The following NRG1 variants were observed in gnomAD, a reference collection of about 807,000 sequenced individuals.
NRG1 encodes pro-neuregulin-1, membrane-bound isoform.
NRG1 carries 18 observed loss-of-function variants against 63.8 expected under a neutral mutation model. That is an observed-to-expected ratio of 0.28 (90% CI 0.19 to 0.42). The LOEUF (loss-of-function observed/expected upper bound fraction) is 0.42. NRG1 is among the 10% of genes least tolerant of loss of function. The probability of loss-of-function intolerance (pLI) is 1.00; values close to 1 mark genes in which losing one functional copy is unlikely to be tolerated. For missense variants in NRG1, 762 were observed against 814.7 expected (o/e 0.94, Z 0.79); for synonymous variants, 302 against 301.3 (o/e 1.00, Z -0.02).
chr8:31,833,461 A>T (rs1274351306), intron 1 of NRG1, among the ~76,000 whole-genome samples: 5 of 152,206 alleles, frequency 3.3e-5, no homozygotes, highest in African/African-American at 1.2e-4. Flanking sequence ...CATCCCTGCA[A>T]AATTAGCTTT....
intron 1 of NRG1, among the ~76,000 whole-genome samples, chr8:31,990,583 A>G (rs1810893899): frequency 6.6e-6 from 1 of 152,126 alleles, no homozygotes; most frequent in Admixed American, 6.5e-5. Flanking sequence ...AGAAGAAAAT[A>G]AGATTCTTTG....
chr8:32,239,263 G>A (rs1160335192), intron 1 of NRG1, among the ~76,000 whole-genome samples: 16 of 113,506 alleles, frequency 1.4e-4, no homozygotes, highest in African/African-American at 5.6e-4. Flanking sequence ...ATTCAATGGA[G>A]GAAAGATGAG....
intron 1 of NRG1, among the ~76,000 whole-genome samples, chr8:32,027,107 T>C (rs879359889): frequency 6.6e-6 from 1 of 152,162 alleles, no homozygotes; most frequent in Non-Finnish European, 1.5e-5. Flanking sequence ...AATTTTGTTT[T>C]AGTGAACTTA....
At chr8:31,684,351 G>C (rs934239264) in intron 1 of NRG1, among the ~76,000 whole-genome samples, 1 of 152,184 alleles carries the variant, frequency 6.6e-6, no homozygotes, top group African/African-American at 2.4e-5. Context: ...AAGGAACTAC[G>C]TTGGCCTCTT....
intron 1 of NRG1, among the ~76,000 whole-genome samples, chr8:31,996,308 G>A (rs1444701950): frequency 6.6e-6 from 1 of 151,940 alleles, no homozygotes; most frequent in Non-Finnish European, 1.5e-5. Context: ...AAGTCTGGAA[G>A]CCTGATAAGC....
intron 1 of NRG1, among the ~76,000 whole-genome samples, chr8:32,377,399 T>C (rs1310277330): frequency 6.6e-6 from 1 of 152,224 alleles, no homozygotes; most frequent in East Asian, 1.9e-4. Flanking sequence ...AGCAAAGTTA[T>C]GCTACTTGTA....
chr8:31,874,670 G>A (rs1183929026), intron 1 of NRG1, among the ~76,000 whole-genome samples: 1 of 152,104 alleles, frequency 6.6e-6, no homozygotes, highest in South Asian at 2.1e-4. Flanking sequence ...TCACCCAGTT[G>A]TGTTATCAAA....
At chr8:32,291,109 A>G (rs972103724) in intron 1 of NRG1, among the ~76,000 whole-genome samples, 4 of 152,238 alleles carry the variant, frequency 2.6e-5, no homozygotes, top group Non-Finnish European at 5.9e-5. Flanking sequence ...ACAATCAGGA[A>G]GGAGAAGTTC....
intron 1 of NRG1, among the ~76,000 whole-genome samples, chr8:32,137,111 G>C (rs1174944846): frequency 6.6e-6 from 1 of 151,998 alleles, no homozygotes; most frequent in Non-Finnish European, 1.5e-5. Context: ...ATTGTAGGAA[G>C]CTCCTTTACC....
chr8:31,800,198 G>A (rs962788379), intron 1 of NRG1, among the ~76,000 whole-genome samples: 3 of 152,132 alleles, frequency 2.0e-5, no homozygotes, highest in African/African-American at 2.4e-5. Context: ...AACAAAAAAA[G>A]CAATGAGGAG....
chr8:32,376,896 G>A (rs2129483097), intron 1 of NRG1, among the ~76,000 whole-genome samples: 1 of 152,246 alleles, frequency 6.6e-6, no homozygotes, highest in African/African-American at 2.4e-5. Context: ...TATTGGAAAG[G>A]AATCAGAATA....
chr8:32,387,155 A>G (rs913879532), intron 1 of NRG1, among the ~76,000 whole-genome samples: 4 of 152,208 alleles, frequency 2.6e-5, no homozygotes, highest in Admixed American at 2.6e-4. Context: ...TTCAGTAAAT[A>G]CAAGTAGAGA....
intron 1 of NRG1, among the ~76,000 whole-genome samples, chr8:32,031,852 A>G (rs1179432002): frequency 6.6e-6 from 1 of 152,100 alleles, no homozygotes; most frequent in Non-Finnish European, 1.5e-5. Flanking sequence ...TTCTTTATCC[A>G]GCCTATCATT....
At chr8:32,755,069 A>G (rs1829433775) in intron 8 of NRG1, among the ~76,000 whole-genome samples, 1 of 152,200 alleles carries the variant, frequency 6.6e-6, no homozygotes, top group South Asian at 2.1e-4. Flanking sequence ...GGTTGCCAGT[A>G]TGAATGCTCT....
At chr8:31,679,080 G>A (rs944142769) in intron 1 of NRG1, among the ~76,000 whole-genome samples, 6 of 151,814 alleles carry the variant, frequency 4.0e-5, no homozygotes, top group Non-Finnish European at 7.4e-5. Flanking sequence ...ATTTCCTTGC[G>A]ATACTTACTC....
intron 1 of NRG1, among the ~76,000 whole-genome samples, chr8:31,803,838 C>A (rs2062818): frequency 0.22 from 32,710 of 152,110 alleles, 4,748 homozygotes; most frequent in East Asian, 0.67. Context: ...TGCTATGCTG[C>A]AGCCACTTTG....
intron 1 of NRG1, among the ~76,000 whole-genome samples, chr8:32,008,330 C>T (rs1363596687): frequency 1.3e-5 from 2 of 151,936 alleles, no homozygotes; most frequent in Non-Finnish European, 2.9e-5. Flanking sequence ...GGAGCTGTTA[C>T]ACATGTATAA....
intron 1 of NRG1, among the ~76,000 whole-genome samples, chr8:31,808,095 A>C (rs189180618): frequency 2.0e-5 from 3 of 151,892 alleles, no homozygotes; most frequent in Admixed American, 2.0e-4. Flanking sequence ...AGCTCTTTTC[A>C]TCTTTTAACT....
At chr8:32,152,863 T>C (rs1228226183) in intron 1 of NRG1, among the ~76,000 whole-genome samples, 3 of 152,220 alleles carry the variant, frequency 2.0e-5, no homozygotes, top group African/African-American at 7.2e-5. Context: ...AATATACACG[T>C]GCACACAAAA....
Sources: allele counts gnomAD v4.1 joint callset (sites outside exome capture counted in the v4.1 genomes callset), GRCh38; gene constraint gnomAD v4.1.1; transcripts MANE v1.5; gene names NCBI Gene and HGNC (gene_info 2026-07-23, HGNC 2026-07-21).